Variants in NKAIN3 observed in about 807,000 individuals in gnomAD.
NKAIN3 encodes sodium/potassium transporting ATPase interacting 3.
A neutral mutation model predicts 30.2 loss-of-function variants in NKAIN3; 25 were observed. The observed-to-expected ratio is 0.83, with a 90% CI of 0.60 to 1.16. NKAIN3 has a LOEUF of 1.16. Among genes scored for constraint, NKAIN3 ranks in the 50% most tolerant of loss-of-function variants. NKAIN3 has a pLI of 0.00. For synonymous variants in NKAIN3, 91 were observed against 89.6 expected (o/e 1.02, Z -0.09); for missense variants, 225 against 254.1 (o/e 0.89, Z 0.78).
intron 5 of NKAIN3, among the ~76,000 whole-genome samples, chr8:62,942,139 A>AGCAAC (rs1822974703): frequency 6.6e-6 from 1 of 150,764 alleles, no homozygotes; most frequent in Non-Finnish European, 1.5e-5. Flanking sequence ...TGTGAATCAA[A>AGCAAC]TAAGAACTCA....
intron 1 of NKAIN3, among the ~76,000 whole-genome samples, chr8:62,473,769 T>G (rs1252420020): frequency 1.3e-5 from 2 of 150,230 alleles, no homozygotes; most frequent in Non-Finnish European, 1.5e-5. Context: ...CCTCAATTTT[T>G]ACTTTCTTCC....
At chr8:62,668,738 T>C (rs1813209293) in intron 3 of NKAIN3, among the ~76,000 whole-genome samples, 1 of 152,214 alleles carries the variant, frequency 6.6e-6, no homozygotes, top group Non-Finnish European at 1.5e-5. Flanking sequence ...TATTAATTAA[T>C]CAATTAATTA....
intron 4 of NKAIN3, among the ~76,000 whole-genome samples, chr8:62,782,394 A>G (rs1817378399): frequency 6.6e-6 from 1 of 152,104 alleles, no homozygotes. Flanking sequence ...TTTAATTACC[A>G]TACAATCCAG....
Position 62,998,563 on chromosome 8 carries a change from C to T in NKAIN3, c.533-668C>T, listed in dbSNP as rs28533529. On this transcript the variant is annotated intron_variant, in intron 5 of 5. Coordinates refer to the NKAIN3 transcript ENST00000519049. ...TTGCTGGGATTACAGGTGTGAGTCA[C>T]CGCTCCTGGCTGCTTTTCATTTTTC... Among the ~76,000 whole-genome samples, 1,287 of 152,320 alleles carry T rather than the reference C, an allele frequency of 8.4e-3. 23 individuals carry two copies. The highest frequency in any genetic ancestry group is 0.03 in the African/African-American group (1,247 of 41,566).
intron 3 of NKAIN3, among the ~76,000 whole-genome samples, chr8:62,606,233 T>A (rs1586001317): frequency 6.6e-6 from 1 of 152,024 alleles, no homozygotes; most frequent in African/African-American, 2.4e-5. Context: ...TCCTGTAGGG[T>A]CATGCTCTAA....
At chr8:62,280,831 A>G (rs1813152946) in intron 1 of NKAIN3, among the ~76,000 whole-genome samples, 1 of 152,088 alleles carries the variant, frequency 6.6e-6, no homozygotes, top group Non-Finnish European at 1.5e-5. Flanking sequence ...TTGGTCTAAA[A>G]TTCTCTTTTT....
chr8:62,854,991 A>G (rs1470458805), intron 4 of NKAIN3: 1 of 153,806 alleles, frequency 6.5e-6, no homozygotes, highest in Admixed American at 6.5e-5. Context: ...TTCACTTATA[A>G]TGCTTAGTTT....
chr8:62,317,753 A>C lies in NKAIN3; in HGVS notation c.54+68626A>C, dbSNP rs4738953. On this transcript the variant is annotated intron_variant, in intron 1 of 6. Coordinates refer to ENST00000623646, the MANE Select transcript of NKAIN3 (RefSeq NM_001304533.3). Reference sequence around the variant, plus strand: ...TCTTTTGGCTTAGGATTGACTTGGCAATGTGGACTCTTTTTTGGTTCCATG... The same window carrying C: ...TCTTTTGGCTTAGGATTGACTTGGCCATGTGGACTCTTTTTTGGTTCCATG... 0.011 allele frequency among the ~76,000 whole-genome samples: 1,737 copies of C among 152,278 alleles called. 80 individuals are homozygous for C. The East Asian group carries it at 0.13, about 11-fold the overall frequency.
chr8:62,397,249 T>A (rs1369250488), intron 1 of NKAIN3, among the ~76,000 whole-genome samples: 4 of 128,546 alleles, frequency 3.1e-5, no homozygotes, highest in Non-Finnish European at 7.4e-5. Context: ...GTGCCTTTTA[T>A]TATCTTTTTC....
chr8:62,530,907 C>T (rs770621213), intron 1 of NKAIN3, among the ~76,000 whole-genome samples: 2 of 152,082 alleles, frequency 1.3e-5, no homozygotes, highest in African/African-American at 2.4e-5. Context: ...GGCCTCCCAA[C>T]GTGCTGGAAT....
At chr8:62,869,322 C>A (rs57082795) in intron 4 of NKAIN3, among the ~76,000 whole-genome samples, 1 of 152,022 alleles carries the variant, frequency 6.6e-6, no homozygotes, top group Non-Finnish European at 1.5e-5. Flanking sequence ...TGCCGCCACC[C>A]GGCGCCCCCC....
rs182153982 is a variant in NKAIN3 at position 62,676,721 on chromosome 8, T to A, written c.274-70211T>A. Among the ~76,000 whole-genome samples, 250 of 152,012 alleles carry A rather than the reference T, an allele frequency of 1.6e-3. 1 individual carries two copies. Among genetic ancestry groups the A allele is most frequent in the African/African-American group, 5.7e-3 (235 of 41,484 alleles). ...TAGTATATTAATAACAGTCTTTTTT[T>A]TTTTTTTTTTGAGAAAGGGTCTTGC... On this transcript the variant is annotated intron_variant, in intron 3 of 6. Transcript: ENST00000623646.
At chr8:62,995,521 G>C (rs1399252142) in intron 5 of NKAIN3, among the ~76,000 whole-genome samples, 1 of 152,130 alleles carries the variant, frequency 6.6e-6, no homozygotes, top group Non-Finnish European at 1.5e-5. Context: ...CTGGGACTAG[G>C]GTTGTTGCCG....
chr8:62,315,211 A>G (rs1814576544), intron 1 of NKAIN3, among the ~76,000 whole-genome samples: 1 of 152,204 alleles, frequency 6.6e-6, no homozygotes, highest in Non-Finnish European at 1.5e-5. Flanking sequence ...ACAAAGGAAA[A>G]TCTTGTCTAA....
rs869031627 is a variant in NKAIN3 at position 62,729,035 on chromosome 8, AAAAAC to A, written c.274-17892_274-17888del. 2.4e-3 allele frequency among the ~76,000 whole-genome samples: 270 copies of A among 110,214 alleles called. 9 individuals are homozygous for A. Among genetic ancestry groups the A allele is most frequent in the Non-Finnish European group, 3.7e-3 (207 of 56,514 alleles). 72.3% of individuals were successfully genotyped at this position (110,214 alleles called of 152,430 possible). A position where few individuals can be genotyped will look rare whatever the true frequency, so the allele number is the denominator to read the frequency against. On this transcript the variant is annotated intron_variant, in intron 3 of 6. Coordinates refer to ENST00000623646, the MANE Select transcript of NKAIN3 (RefSeq NM_001304533.3). ...CAAAACAAACAAACCAAAAAAAAAAAAAAACAAAAAAAAAAAACCTCCTGCTCTGC... is the reference window on the plus strand; with the variant it reads ...CAAAACAAACAAACCAAAAAAAAAAAAAAAAAAAAAAACCTCCTGCTCTGC...
chr8:62,763,901 C>T (rs1489717119), intron 4 of NKAIN3, among the ~76,000 whole-genome samples: 1 of 152,140 alleles, frequency 6.6e-6, no homozygotes, highest in African/African-American at 2.4e-5. Flanking sequence ...TTATCACAGG[C>T]TTGGAATGTG....
At chr8:62,321,629 G>A (rs1814915149) in intron 1 of NKAIN3, among the ~76,000 whole-genome samples, 1 of 152,232 alleles carries the variant, frequency 6.6e-6, no homozygotes, top group African/African-American at 2.4e-5. Context: ...CAGCAGCGGA[G>A]GCTGCAGAAC....
At chr8:62,786,072 C>T (rs1024461662) in intron 4 of NKAIN3, among the ~76,000 whole-genome samples, 4 of 151,928 alleles carry the variant, frequency 2.6e-5, no homozygotes, top group Non-Finnish European at 5.9e-5. Context: ...CACCACACCC[C>T]CCTCCCTGCA....
At chr8:62,816,869 A>T (rs1373838639) in intron 4 of NKAIN3, among the ~76,000 whole-genome samples, 3 of 152,146 alleles carry the variant, frequency 2.0e-5, no homozygotes, top group African/African-American at 7.2e-5. Flanking sequence ...CTCCCTGGAA[A>T]GATGTAGACA....
Sources: gnomAD v4.1 joint callset for allele counts (sites outside exome capture counted in the v4.1 genomes callset) on GRCh38, gnomAD v4.1.1 for gene constraint, MANE v1.5 for transcripts, NCBI Gene and HGNC (gene_info 2026-07-23, HGNC 2026-07-21) for gene names.